The following SHLD1 variants were observed in gnomAD, a reference collection of about 807,000 sequenced individuals.
SHLD1 encodes RINN1-REV7-interacting novel NHEJ regulator 3.
A neutral mutation model predicts 5.5 loss-of-function variants in SHLD1; 3 were observed. The ratio of observed to expected loss-of-function variants is 0.54; its 90% CI spans 0.25 to 1.40. SHLD1 has a LOEUF of 1.40. Ranked by LOEUF, SHLD1 falls within the 40% of genes most tolerant of loss-of-function variation. SHLD1 has a pLI of 0.15. For missense variants in SHLD1, 210 were observed against 244.4 expected, an observed-to-expected ratio of 0.86 and a Z score of 0.94; for synonymous variants, 92 against 94.3, an observed-to-expected ratio of 0.98 and a Z score of 0.14.
At chr20:5,860,849 G>A (rs185692225) in intron 2 of SHLD1, among the ~76,000 whole-genome samples, 2 of 138,720 alleles carry the variant, frequency 1.4e-5, no homozygotes, top group African/African-American at 5.4e-5. Flanking sequence ...GCATAGCAAG[G>A]TCAAGGAAAG....
intron 2 of SHLD1, among the ~76,000 whole-genome samples, chr20:5,832,182 C>G (rs2087736577): frequency 6.6e-6 from 1 of 152,222 alleles, no homozygotes; most frequent in African/African-American, 2.4e-5. Context: ...CTCAAGTGAT[C>G]TGCCCACCTT....
intron 2 of SHLD1, among the ~76,000 whole-genome samples, chr20:5,809,949 T>A (rs148000046): frequency 6.6e-6 from 1 of 152,128 alleles, no homozygotes; most frequent in East Asian, 1.9e-4. Context: ...TATCACATAC[T>A]ACACCTTTGT....
chr20:5,776,218 C>T (rs1007966948), intron 2 of SHLD1, among the ~76,000 whole-genome samples: 6 of 151,984 alleles, frequency 3.9e-5, no homozygotes, highest in African/African-American at 1.5e-4. Context: ...GGATTACAGG[C>T]GTGAGCCACT....
rs566494696 is a variant in SHLD1, at chr20:5,864,177, G to T, written c.*714G>T. ...AATCCATGTTTTATCATACTAACTG[G>T]GTGTGGAAGGAACATTTGGACAATC... is the stretch of plus-strand genomic sequence containing the variant. On this transcript the variant is annotated 3_prime_UTR_variant, in exon 3 of 3. Transcript: ENST00000303142. 5.3e-5 allele frequency among the ~76,000 whole-genome samples: 8 copies of T among 152,110 alleles called. No homozygotes were observed. The highest frequency in any genetic ancestry group is 8.8e-5 in the Non-Finnish European group (6 of 68,028).
At position 5,856,045 on chromosome 20, in the gene SHLD1, T is replaced by G. The variant is rs563602673; in HGVS notation, c.179-6979T>G. On this transcript the variant is annotated intron_variant, in intron 2 of 2. Coordinates refer to ENST00000303142, the MANE Select transcript of SHLD1 (RefSeq NM_152504.4). ...GAGGGTGAGGATGAACAGATCTACTTGTATATGTGTATACTTGTAGTATGA... is the reference window on the plus strand; with the variant it reads ...GAGGGTGAGGATGAACAGATCTACTGGTATATGTGTATACTTGTAGTATGA... Among the ~76,000 whole-genome samples the G allele has an allele frequency of 9.7e-4, 148 of 152,316 alleles. 2 individuals are homozygous for G. The highest frequency in any genetic ancestry group is 9.6e-4 in the Non-Finnish European group (65 of 68,024).
rs2088181142 is a variant in SHLD1, at chr20:5,862,884, A to T, written c.179-140A>T. On this transcript the variant is annotated intron_variant, in intron 2 of 2. Transcript: ENST00000303142. ...CTCAGGATGGTGAGAACAGATTTTG[A>T]AATCAGCTGATATTTCCCATTGCCA... The T allele has an allele frequency of 1.5e-5, 11 of 736,172 alleles. No homozygotes were observed. The East Asian group carries it at 3.0e-4, about 20-fold the overall frequency. 45.6% of individuals were successfully genotyped at this position (736,172 alleles called of 1,614,324 possible).
rs35341763 is a variant in SHLD1, at chr20:5,756,288, C to CA, written c.-5+5821dup. On this transcript the variant is annotated intron_variant, in intron 1 of 2. Transcript: ENST00000303142. Reference sequence around the variant, plus strand: ...CAATATAGTGAGACCCCCATCTTTACAAAAAAAAAAAATTTTTAAGCATTA... The same window carrying CA: ...CAATATAGTGAGACCCCCATCTTTACAAAAAAAAAAAAATTTTTAAGCATTA... 3.6e-3 allele frequency among the ~76,000 whole-genome samples: 510 copies of CA among 140,564 alleles called. 2 individuals are homozygous for CA. The highest frequency in any genetic ancestry group is 4.3e-3 in the Non-Finnish European group (278 of 64,314). The allele number at this position is 140,564 out of a possible 152,430, so 92.2% of individuals were successfully genotyped here.
intron 1 of SHLD1, among the ~76,000 whole-genome samples, chr20:5,763,826 T>C (rs1032715963): frequency 2.0e-5 from 3 of 151,274 alleles, no homozygotes; most frequent in African/African-American, 7.3e-5. Context: ...ACAAGGAAAC[T>C]GGCCGGGCGC....
intron 1 of SHLD1, among the ~76,000 whole-genome samples, chr20:5,757,676 CA>C (rs1177193244): frequency 6.6e-6 from 1 of 152,180 alleles, no homozygotes; most frequent in East Asian, 1.9e-4. Flanking sequence ...CAACTCTGCT[CA>C]CTGCAACCTC....
At chr20:5,807,514 G>C (rs988763410) in intron 2 of SHLD1, among the ~76,000 whole-genome samples, 4 of 152,086 alleles carry the variant, frequency 2.6e-5, no homozygotes, top group African/African-American at 9.7e-5. Context: ...GGGACTACAG[G>C]TGTGTTCCAC....
chr20:5,844,303 G>T (rs1600173240), intron 2 of SHLD1, among the ~76,000 whole-genome samples: 1 of 152,294 alleles, frequency 6.6e-6, no homozygotes, highest in Middle Eastern at 3.4e-3. Flanking sequence ...CTCTTCTTCA[G>T]TGTATTTACT....
chr20:5,789,205 G>C (rs1253552981), intron 2 of SHLD1, among the ~76,000 whole-genome samples: 1 of 46,872 alleles, frequency 2.1e-5, no homozygotes, highest in Non-Finnish European at 3.6e-5. Context: ...AATAAAAGTT[G>C]TGCTTTTTTT....
At chr20:5,775,959 G>A (rs955369174) in intron 2 of SHLD1, among the ~76,000 whole-genome samples, 9 of 72,342 alleles carry the variant, frequency 1.2e-4, no homozygotes, top group African/African-American at 2.3e-4. Flanking sequence ...ATGGAGTCTC[G>A]CTCTGTCACC....
chr20:5,757,287 G>T (rs1984174092), intron 1 of SHLD1, among the ~76,000 whole-genome samples: 1 of 151,856 alleles, frequency 6.6e-6, no homozygotes, highest in African/African-American at 2.4e-5. Flanking sequence ...ATGTTGGCCA[G>T]GCTGGTCTCG....
At chr20:5,833,486 C>T (rs936408301) in intron 2 of SHLD1, among the ~76,000 whole-genome samples, 10 of 152,110 alleles carry the variant, frequency 6.6e-5, no homozygotes, top group East Asian at 1.9e-4. Flanking sequence ...TTGTTTGTTC[C>T]GCTCTGCCCT....
intron 1 of SHLD1, among the ~76,000 whole-genome samples, chr20:5,767,485 A>G (rs987504751): frequency 1.3e-5 from 2 of 152,110 alleles, no homozygotes; most frequent in African/African-American, 2.4e-5. Context: ...TAGTAAATCT[A>G]TTCTTAATCT....
intron 2 of SHLD1, among the ~76,000 whole-genome samples, chr20:5,854,560 A>C (rs2088056670): frequency 6.6e-6 from 1 of 152,216 alleles, no homozygotes. Flanking sequence ...TCAAGCTATG[A>C]GTGGGACTTT....
intron 2 of SHLD1, among the ~76,000 whole-genome samples, chr20:5,862,140 T>C (rs2088171005): frequency 6.6e-6 from 1 of 152,226 alleles, no homozygotes; most frequent in African/African-American, 2.4e-5. Flanking sequence ...TCTCCAAATA[T>C]AGTCATGTTG....
intron 1 of SHLD1, among the ~76,000 whole-genome samples, chr20:5,764,152 T>TATA (rs1568490050): frequency 1.4e-5 from 1 of 70,060 alleles, no homozygotes; most frequent in African/African-American, 5.3e-5. Context: ...ATATATATAT[T>TATA]TATATTTATA....
Sources: gnomAD v4.1 joint callset for allele counts (sites outside exome capture counted in the v4.1 genomes callset) on GRCh38, gnomAD v4.1.1 for gene constraint, MANE v1.5 for transcripts, NCBI Gene and HGNC (gene_info 2026-07-23, HGNC 2026-07-21) for gene names.